SCP2: variants seen among roughly 807,000 people sequenced by gnomAD.
SCP2 encodes the protein sterol carrier protein 2, also known as SCP-2/3-oxoacyl-CoA thiolase.
Under a neutral mutation model 71.4 loss-of-function variants are expected in SCP2, and 48 were observed. The ratio of observed to expected loss-of-function variants is 0.67; its 90% CI spans 0.53 to 0.86. The LOEUF (loss-of-function observed/expected upper bound fraction) is 0.86. Ranked by LOEUF, SCP2 falls within the 40% of genes least tolerant of loss-of-function variation. The pLI, the probability that SCP2 is intolerant of heterozygous loss-of-function variation, is 0.00. For synonymous variants in SCP2, 220 were observed against 218.1 expected (o/e 1.01, Z -0.08); for missense variants, 560 against 655.6 (o/e 0.85, Z 1.59).
intron 10 of SCP2, among the ~76,000 whole-genome samples, chr1:52,986,751 T>A (rs897348469): frequency 2.0e-5 from 3 of 151,990 alleles, no homozygotes; most frequent in African/African-American, 7.2e-5. Context: ...TAAATAGTCA[T>A]CACTCAGTAT....
At chr1:53,040,798 A>G (rs1056092442) in intron 14 of SCP2, among the ~76,000 whole-genome samples, 3 of 152,110 alleles carry the variant, frequency 2.0e-5, no homozygotes, top group African/African-American at 7.2e-5. Context: ...AGCACTTATT[A>G]CCATCTCATA....
chr1:53,030,941 C>T (rs924178898), intron 13 of SCP2, among the ~76,000 whole-genome samples: 1 of 149,490 alleles, frequency 6.7e-6, no homozygotes, highest in Admixed American at 6.7e-5. Context: ...GCTTTGCCAA[C>T]CTAGTAGGAA....
chr1:52,985,849 C>A (rs1557587465), intron 10 of SCP2, among the ~76,000 whole-genome samples: 1 of 152,150 alleles, frequency 6.6e-6, no homozygotes, highest in African/African-American at 2.4e-5. Context: ...TCAGTGGAAG[C>A]CTTCTCCGAT....
At chr1:53,047,261 A>G (rs1663879530) in intron 14 of SCP2, among the ~76,000 whole-genome samples, 1 of 152,242 alleles carries the variant, frequency 6.6e-6, no homozygotes, top group African/African-American at 2.4e-5. Context: ...TGAGTCTGCT[A>G]GCAAGGTAGA....
intron 1 of SCP2, 57 bp from the exon 2 acceptor site, chr1:52,941,734 CAAAAA>C: frequency 2.1e-6 from 2 of 942,760 alleles, no homozygotes; most frequent in Non-Finnish European, 3.2e-6. Flanking sequence ...GACTCCGTCT[CAAAAA>C]AAAAAAAAAA....
chr1:53,050,995 C>A lies in SCP2; in HGVS notation c.*291C>A. 1 of 254,286 alleles carries A rather than the reference C, an allele frequency of 3.9e-6. No individual in the cohort carries two copies. Among genetic ancestry groups the A allele is most frequent in the Non-Finnish European group, 7.6e-6 (1 of 130,804 alleles). 15.8% of individuals were successfully genotyped at this position (254,286 alleles called of 1,614,324 possible). The stretch of plus-strand genomic sequence containing the variant: ...GAATAAAATTAGGAACAGTAAAATC[C>A]AAAGAACTATGTAAACAAAAAAGCT... On this transcript the variant is annotated 3_prime_UTR_variant, in exon 16 of 16. Transcript: ENST00000371514.
chr1:53,012,397 G>T (rs374460180), intron 11 of SCP2, among the ~76,000 whole-genome samples: 3 of 152,310 alleles, frequency 2.0e-5, no homozygotes, highest in African/African-American at 4.8e-5. Flanking sequence ...GTATCTTTGG[G>T]TCTTTATTCT....
intron 4 of SCP2, among the ~76,000 whole-genome samples, chr1:52,954,331 A>AAACAAC (rs199683265): frequency 2.1e-4 from 31 of 151,138 alleles, no homozygotes; most frequent in Non-Finnish European, 4.3e-4. Flanking sequence ...AAAAGCAAAC[A>AAACAAC]AACAACAACA....
chr1:53,040,763 C>G (rs1388060581), intron 14 of SCP2, among the ~76,000 whole-genome samples: 2 of 152,076 alleles, frequency 1.3e-5, no homozygotes, highest in African/African-American at 4.8e-5. Context: ...TCCCTATTGC[C>G]TTTTTCTGCC....
intron 14 of SCP2, 61 bp from the exon 15 acceptor site, chr1:53,047,797 A>G (rs1057262744): frequency 9.9e-6 from 12 of 1,214,712 alleles, no homozygotes; most frequent in Admixed American, 8.4e-5. Context: ...TCTTGACAAA[A>G]ATGTATATGT....
At chr1:52,988,985 G>A (rs1308768405) in intron 11 of SCP2, among the ~76,000 whole-genome samples, 3 of 152,020 alleles carry the variant, frequency 2.0e-5, no homozygotes, top group East Asian at 3.9e-4. Context: ...GGCCACACAC[G>A]GCCACAACAT....
intron 5 of SCP2, 115 bp from the exon 6 acceptor site, chr1:52,961,388 A>C (rs1375939159): frequency 1.9e-6 from 2 of 1,080,666 alleles, no homozygotes; most frequent in East Asian, 4.8e-5. Context: ...TCACATTGAC[A>C]ATTTCTGGTG....
intron 11 of SCP2, chr1:52,995,327 A>ACATCT (rs1659850945): frequency 2.1e-6 from 1 of 478,542 alleles, no homozygotes; most frequent in Admixed American, 2.4e-5. Flanking sequence ...ATTGACAATG[A>ACATCT]GGCCCTCTAT....
chr1:52,992,086 T>G (rs1659554918), intron 11 of SCP2, among the ~76,000 whole-genome samples: 1 of 152,242 alleles, frequency 6.6e-6, no homozygotes, highest in Non-Finnish European at 1.5e-5. Context: ...TGTTGTACTC[T>G]GTTGGGAAGG....
chr1:52,980,325 T>G, intron 9 of SCP2, 71 bp from the exon 10 acceptor site: 7 of 1,401,554 alleles, frequency 5.0e-6, no homozygotes, highest in Non-Finnish European at 7.0e-6. Context: ...ATGCATCTAT[T>G]AATCTCTTAA....
intron 2 of SCP2, among the ~76,000 whole-genome samples, chr1:52,945,215 A>G (rs1654664984): frequency 6.6e-6 from 1 of 152,046 alleles, no homozygotes; most frequent in Non-Finnish European, 1.5e-5. Context: ...TAAGGACAAC[A>G]TCTCACTATG....
At chr1:52,951,576 A>AT (rs1655314673) in intron 4 of SCP2, among the ~76,000 whole-genome samples, 3 of 151,090 alleles carry the variant, frequency 2.0e-5, no homozygotes, top group Admixed American at 6.6e-5. Flanking sequence ...AAAAAAAAAA[A>AT]AAATTAATTA....
intron 13 of SCP2, among the ~76,000 whole-genome samples, chr1:53,028,460 G>A (rs1229730767): frequency 1.3e-5 from 2 of 151,152 alleles, no homozygotes; most frequent in Non-Finnish European, 2.9e-5. Flanking sequence ...TATTTAAAAT[G>A]AGCCTTTTTT....
At chr1:52,991,387 T>G (rs1295707842) in intron 11 of SCP2, among the ~76,000 whole-genome samples, 4 of 136,056 alleles carry the variant, frequency 2.9e-5, no homozygotes, top group Non-Finnish European at 6.0e-5. Context: ...AAACCTCTTG[T>G]TTTTTTTTTC....
Sources: allele counts gnomAD v4.1 joint callset (sites outside exome capture counted in the v4.1 genomes callset), GRCh38; gene constraint gnomAD v4.1.1; transcripts MANE v1.5; gene names NCBI Gene and HGNC (gene_info 2026-07-23, HGNC 2026-07-21).